LGR4: variants seen among roughly 807,000 people sequenced by gnomAD.
LGR4 encodes leucine rich repeat containing G protein-coupled receptor 4, also known as leucine-rich repeat-containing G protein-coupled receptor 4.
In LGR4, 44 loss-of-function variants were observed where a neutral mutation model predicts 84.8. The observed-to-expected ratio is 0.52, with a 90% CI of 0.41 to 0.67. The LOEUF (loss-of-function observed/expected upper bound fraction) is 0.67, where lower values mean the gene tolerates loss of function less well. Ranked by LOEUF, LGR4 falls within the 30% of genes least tolerant of loss-of-function variation. The pLI, the probability that LGR4 is intolerant of heterozygous loss-of-function variation, is 0.00. For synonymous variants in LGR4, 429 were observed against 434.3 expected (o/e 0.99, Z 0.15); for missense variants, 1,032 against 1,131.4 (o/e 0.91, Z 1.26).
chr11:27,369,732 T>C (rs1159838076), intron 17 of LGR4, among the ~76,000 whole-genome samples: 2 of 152,210 alleles, frequency 1.3e-5, no homozygotes, highest in Admixed American at 6.5e-5. Context: ...CCAATATACT[T>C]TATAATCATG....
In LGR4 at chr11:27,367,853, A is replaced by G. The variant is rs545438695; in HGVS notation, c.*14T>C. ...ATTTTGGTTGACGGGGGAAACGGTTACACACACAGTAGTTCAGTCTTTAAC... is the reference window on the plus strand; with the variant it reads ...ATTTTGGTTGACGGGGGAAACGGTTGCACACACAGTAGTTCAGTCTTTAAC... On this transcript the variant is annotated 3_prime_UTR_variant, in exon 18 of 18. Coordinates refer to ENST00000379214, the MANE Select transcript of LGR4 (RefSeq NM_018490.5). The G allele has an allele frequency of 6.4e-7, 1 of 1,552,890 alleles. No individual in the cohort carries two copies. Among genetic ancestry groups the G allele is most frequent in the Admixed American group, 2.1e-5 (1 of 47,702 alleles).
chr11:27,427,224 C>T (rs901381932), intron 1 of LGR4, among the ~76,000 whole-genome samples: 6 of 152,148 alleles, frequency 3.9e-5, no homozygotes, highest in Non-Finnish European at 7.4e-5. Context: ...AAACTCACAG[C>T]TTTTCTGGTT....
intron 1 of LGR4, among the ~76,000 whole-genome samples, chr11:27,445,170 A>G (rs1864367877): frequency 6.6e-6 from 1 of 152,020 alleles, no homozygotes; most frequent in African/African-American, 2.4e-5. Context: ...CCCTTTGTTC[A>G]TCCCTCCTTT....
intron 4 of LGR4, among the ~76,000 whole-genome samples, chr11:27,385,986 A>C (rs1006770901): frequency 1.3e-5 from 2 of 152,192 alleles, no homozygotes; most frequent in Non-Finnish European, 2.9e-5. Context: ...ATAGATTTTC[A>C]ATCATCCTTA....
intron 1 of LGR4, among the ~76,000 whole-genome samples, chr11:27,431,587 C>T (rs116278643): frequency 0.014 from 2,132 of 152,236 alleles, 53 homozygotes; most frequent in African/African-American, 0.049. Context: ...TTTCATCGTC[C>T]CCCAAAGACA....
rs191722534 is a variant in LGR4 at position 27,421,246 on chromosome 11, C to A, written c.186-8386G>T. On this transcript the variant is annotated intron_variant, in intron 1 of 17. Transcript: ENST00000379214. ...TCTAAATCTATCATGATTACTCCTACTTTGACATTCCTGCTCCTGCACATT... is the reference window on the plus strand; with the variant it reads ...TCTAAATCTATCATGATTACTCCTAATTTGACATTCCTGCTCCTGCACATT... Among the ~76,000 whole-genome samples the A allele has an allele frequency of 3.0e-3, 450 of 152,262 alleles. 2 individuals are homozygous for A. The highest frequency in any genetic ancestry group is 5.0e-3 in the Non-Finnish European group (340 of 68,016).
chr11:27,406,640 A>G (rs1368629733), intron 2 of LGR4, among the ~76,000 whole-genome samples: 1 of 152,172 alleles, frequency 6.6e-6, no homozygotes, highest in African/African-American at 2.4e-5. Context: ...CACTATAGGC[A>G]ATGTCTTGAG....
rs1184198962 is a variant in LGR4, at chr11:27,367,241, T to C, written c.*626A>G. 1 of 152,336 alleles carries C rather than the reference T, an allele frequency of 6.6e-6. No homozygotes were observed. Among genetic ancestry groups the C allele is most frequent in the Non-Finnish European group, 1.5e-5 (1 of 68,028 alleles). 9.4% of individuals were successfully genotyped at this position (152,336 alleles called of 1,614,324 possible). A position where few individuals can be genotyped will look rare whatever the true frequency, so the allele number is the denominator to read the frequency against. ...CAAATGTCCAGCTATTTTTTTAACC[T>C]AACAGCTGTTAATATTGTTTTAAAA... On this transcript the variant is annotated 3_prime_UTR_variant, in exon 18 of 18. Transcript: ENST00000379214.
chr11:27,389,106 T>C (rs1350700281), intron 4 of LGR4, among the ~76,000 whole-genome samples: 1 of 152,160 alleles, frequency 6.6e-6, no homozygotes, highest in Non-Finnish European at 1.5e-5. Flanking sequence ...ATCTTTCATG[T>C]AATTCAGATC....
intron 1 of LGR4, among the ~76,000 whole-genome samples, chr11:27,424,949 T>G (rs565907153): frequency 1.3e-5 from 2 of 152,120 alleles, no homozygotes; most frequent in Non-Finnish European, 2.9e-5. Context: ...GGTTTCACCA[T>G]GTTGGCCAGG....
At chr11:27,459,684 C>T (rs1205196000) in intron 1 of LGR4, among the ~76,000 whole-genome samples, 3 of 150,900 alleles carry the variant, frequency 2.0e-5, no homozygotes, top group Non-Finnish European at 4.4e-5. Context: ...ACCATCTTGG[C>T]CAGGCTGGTC....
intron 1 of LGR4, chr11:27,471,773 C>A (rs1281457716): frequency 5.6e-6 from 1 of 178,590 alleles, no homozygotes; most frequent in Non-Finnish European, 1.2e-5. Flanking sequence ...GTCGCGTGGA[C>A]AGGCTGCCAG....
chr11:27,389,134 A>G (rs928531686), intron 4 of LGR4, among the ~76,000 whole-genome samples: 5 of 152,252 alleles, frequency 3.3e-5, no homozygotes, highest in South Asian at 2.1e-4. Context: ...CAGATTTTCA[A>G]AATGACTCAA....
At position 27,384,411 on chromosome 11, in the gene LGR4, A is replaced by AG. The variant is rs1240072853; in HGVS notation, c.618-5dup. On this transcript the variant is annotated splice_polypyrimidine_tract_variant and splice_region_variant and intron_variant, in intron 5 of 17. Coordinates refer to ENST00000379214, the MANE Select transcript of LGR4 (RefSeq NM_018490.5). ...AATTTTATTGTTATGAAGATGCCTA[A>AG]GGGGGAAAAAAAGCATAAAATGACT... 3.1e-6 allele frequency: 5 copies of AG among 1,600,974 alleles called. No individual in the cohort carries two copies. Among genetic ancestry groups the AG allele is most frequent in the Middle Eastern group, 1.7e-4 (1 of 6,002 alleles).
rs879912679 is a variant in LGR4, at chr11:27,472,467, G to C, written c.-165C>G. On this transcript the variant is annotated 5_prime_UTR_variant, in exon 1 of 18. Coordinates refer to ENST00000379214, the MANE Select transcript of LGR4 (RefSeq NM_018490.5). ...CCCTTCAGCAGTCCGCCGCAGCGGC[G>C]CAGGGACGCGGCGCTCCGGAGTTTC... 7.1e-6 allele frequency: 3 copies of C among 425,428 alleles called. No individual in the cohort carries two copies. In the East Asian group the frequency reaches 1.1e-4, roughly 16 times the overall value. 26.4% of individuals were successfully genotyped at this position (425,428 alleles called of 1,614,324 possible). A position where few individuals can be genotyped will look rare whatever the true frequency, so the allele number is the denominator to read the frequency against.
At chr11:27,377,728 A>G (rs1468306099) in intron 11 of LGR4, among the ~76,000 whole-genome samples, 2 of 152,150 alleles carry the variant, frequency 1.3e-5, no homozygotes, top group Admixed American at 1.3e-4. Context: ...TACATCAAAC[A>G]CCAGAACTAG....
rs1358902317 is a variant in LGR4, at chr11:27,378,700, G to A, written c.1040C>T (p.Thr347Ile). The change falls in exon 11 of 18, where the codon ACT (threonine) becomes ATT (isoleucine). Residue 347 changes from threonine to isoleucine, a missense_variant. By Grantham distance (89) the Thr-to-Ile change is moderately conservative. Transcript: ENST00000379214. ...NLCQEQKMLR[T>I]LDLSYNNIRD... ...AGGGAAGAAGAATCCAACTTACAAAGTCCTAAGCATCTTTTGTTCTTGACA... is the reference window on the plus strand; with the variant it reads ...AGGGAAGAAGAATCCAACTTACAAAATCCTAAGCATCTTTTGTTCTTGACA... The A allele has an allele frequency of 2.5e-6, 4 of 1,600,740 alleles. No individual in the cohort carries two copies. The African/African-American group carries it at 4.0e-5, about 16-fold the overall frequency.
intron 1 of LGR4, among the ~76,000 whole-genome samples, chr11:27,454,743 C>T (rs1039301289): frequency 7.2e-6 from 1 of 138,420 alleles, no homozygotes; most frequent in Non-Finnish European, 1.5e-5. Flanking sequence ...GCCTGGAAGA[C>T]AGAGCAAGAC....
chr11:27,372,496 G>A (rs951599937), intron 15 of LGR4, 98 bp from the exon 16 acceptor site: 5 of 728,132 alleles, frequency 6.9e-6, no homozygotes, highest in East Asian at 2.5e-5. Context: ...CTCAGCCTAG[G>A]AGTCAGAAAG....
Sources: gnomAD v4.1 joint callset for allele counts (sites outside exome capture counted in the v4.1 genomes callset) on GRCh38, gnomAD v4.1.1 for gene constraint, MANE v1.5 for transcripts, NCBI Gene and HGNC (gene_info 2026-07-23, HGNC 2026-07-21) for gene names.